The following AGBL3 variants were observed in gnomAD, a reference collection of about 807,000 sequenced individuals.
AGBL3 encodes the protein cytosolic carboxypeptidase 3.
In AGBL3, 68 loss-of-function variants were observed where a neutral mutation model predicts 94.5. The ratio of observed to expected loss-of-function variants is 0.72; its 90% CI spans 0.59 to 0.88. AGBL3 has a LOEUF of 0.88. Ranked by LOEUF, AGBL3 falls within the 40% of genes least tolerant of loss-of-function variation. The probability of loss-of-function intolerance (pLI) is 0.00; values close to 1 mark genes in which losing one functional copy is unlikely to be tolerated. For synonymous variants in AGBL3, 354 were observed against 370.7 expected, an observed-to-expected ratio of 0.95 and a Z score of 0.52; for missense variants, 934 against 1,103.8, an observed-to-expected ratio of 0.85 and a Z score of 2.18.
At chr7:135,065,288 C>G (rs972878984) in intron 12 of AGBL3, among the ~76,000 whole-genome samples, 4 of 152,156 alleles carry the variant, frequency 2.6e-5, no homozygotes, top group African/African-American at 9.7e-5. Context: ...CAATGCAATA[C>G]CTATTTCAAT....
chr7:135,107,813 T>C (rs779601247), intron 15 of AGBL3, among the ~76,000 whole-genome samples: 3 of 152,162 alleles, frequency 2.0e-5, no homozygotes. Flanking sequence ...TAGTGGAGTA[T>C]TGAAGTCTCC....
At chr7:135,034,088 T>A (rs1256176551) in intron 6 of AGBL3, 61 bp from the exon 7 acceptor site, 4 of 1,311,810 alleles carry the variant, frequency 3.0e-6, no homozygotes, top group Admixed American at 7.1e-5. Flanking sequence ...ACATTGGTTT[T>A]TTACAAAATG....
chr7:135,080,424 AAAC>A (rs1420061076), intron 14 of AGBL3, among the ~76,000 whole-genome samples, 164 bp downstream of exon 14: 2 of 152,216 alleles, frequency 1.3e-5, no homozygotes, highest in African/African-American at 4.8e-5. Flanking sequence ...ATCAGGAAAG[AAAC>A]AACAACAATC....
intron 3 of AGBL3, among the ~76,000 whole-genome samples, chr7:134,991,763 C>T (rs1293025058): frequency 6.6e-6 from 1 of 151,950 alleles, no homozygotes; most frequent in Non-Finnish European, 1.5e-5. Context: ...AGGCTACTCT[C>T]AAGCATTTTG....
chr7:135,063,289 T>TA (rs1314592431), intron 12 of AGBL3, among the ~76,000 whole-genome samples: 4 of 152,034 alleles, frequency 2.6e-5, no homozygotes, highest in African/African-American at 9.7e-5. Flanking sequence ...TTTCTTTTTT[T>TA]AAAAACAAAA....
chr7:135,101,786 T>C (rs1823867968), intron 15 of AGBL3, among the ~76,000 whole-genome samples: 2 of 152,316 alleles, frequency 1.3e-5, no homozygotes, highest in South Asian at 4.1e-4. Flanking sequence ...ATGGTTGATA[T>C]GGTTTGCCTG....
chr7:135,105,342 T>A (rs1824527119), intron 15 of AGBL3, among the ~76,000 whole-genome samples: 1 of 152,210 alleles, frequency 6.6e-6, no homozygotes, highest in African/African-American at 2.4e-5. Flanking sequence ...AGTGCTGGGA[T>A]TACAGGCATA....
intron 16 of AGBL3, among the ~76,000 whole-genome samples, chr7:135,123,917 C>T (rs2117266978): frequency 6.6e-6 from 1 of 152,200 alleles, no homozygotes; most frequent in Non-Finnish European, 1.5e-5. Flanking sequence ...AAACAAAAAC[C>T]AGTACCAGCC....
chr7:135,079,559 G>A lies in AGBL3; in HGVS notation c.1981-644G>A, dbSNP rs530716131. 3.9e-5 allele frequency among the ~76,000 whole-genome samples: 6 copies of A among 151,922 alleles called. No homozygotes were observed. In the East Asian group the frequency reaches 1.2e-3, roughly 30 times the overall value. On this transcript the variant is annotated intron_variant, in intron 13 of 16. Coordinates refer to ENST00000436302, the MANE Select transcript of AGBL3 (RefSeq NM_178563.4). ...CAGCTCACTGCAACCTCTGCCTCCC[G>A]GGTTTAAGCAATTCTCCTGCCTCAG...
chr7:135,107,388 T>C (rs374719724), intron 15 of AGBL3, among the ~76,000 whole-genome samples: 34 of 152,336 alleles, frequency 2.2e-4, no homozygotes, highest in African/African-American at 7.5e-4. Context: ...GCCTTAGCTA[T>C]GTCCCAGAGA....
chr7:135,066,768 T>C (rs892635793), intron 12 of AGBL3, among the ~76,000 whole-genome samples: 1 of 152,270 alleles, frequency 6.6e-6, no homozygotes, highest in South Asian at 2.1e-4. Flanking sequence ...AGAGCCAAGA[T>C]GGCCGAACAG....
At chr7:135,091,039 T>A (rs6949063) in intron 15 of AGBL3, among the ~76,000 whole-genome samples, 1 of 151,886 alleles carries the variant, frequency 6.6e-6, no homozygotes, top group African/African-American at 2.4e-5. Context: ...TGCAGGGACC[T>A]CAGTGGTGAA....
rs772562346 is a variant in AGBL3 at position 135,032,981 on chromosome 7, G to A, written c.556G>A (p.Val186Met). 2.2e-5 allele frequency: 34 copies of A among 1,544,222 alleles called. No individual in the cohort carries two copies. The highest frequency in any genetic ancestry group is 3.0e-5 in the Non-Finnish European group (34 of 1,144,086). Residue 186 changes from valine to methionine, a missense_variant and splice_region_variant, in exon 6 of 17, where the codon GTG becomes ATG. Physicochemically the swap from Val to Met is conservative, Grantham distance 21 (BLOSUM62 1). Transcript: ENST00000436302. ...TGGTAATCTACAGAAGGTAGTCAAA[G>A]TGTAGGTTCTAATTATTTTTATTTA... Reference protein sequence around the residue: ...ESGNLQKVVKVAEYEYQLTVR... With the variant: ...ESGNLQKVVKMAEYEYQLTVR...
chr7:135,076,975 A>G (rs959518699), intron 13 of AGBL3, among the ~76,000 whole-genome samples: 6 of 152,200 alleles, frequency 3.9e-5, no homozygotes, highest in Non-Finnish European at 7.3e-5. Context: ...TATTCAAGAA[A>G]GTCTACTAAA....
chr7:135,064,028 A>G (rs1216989547), intron 12 of AGBL3, among the ~76,000 whole-genome samples: 1 of 152,218 alleles, frequency 6.6e-6, no homozygotes, highest in Non-Finnish European at 1.5e-5. Context: ...GCCAATCACA[A>G]GAGTTCAAGA....
chr7:135,034,788 G>A lies in AGBL3; in HGVS notation c.1197G>A (p.Val399=). The A allele has an allele frequency of 6.4e-7, 1 of 1,552,266 alleles. No homozygotes were observed. Among genetic ancestry groups the A allele is most frequent in the Non-Finnish European group, 8.7e-7 (1 of 1,147,330 alleles). Reference sequence around the variant, plus strand: ...TTCGGGACACTTTTGTCTTCAAGGTGGTACCCATGCTCAATCCAGATGGTG... The same window carrying A: ...TTCGGGACACTTTTGTCTTCAAGGTAGTACCCATGCTCAATCCAGATGGTG... The part of the protein sequence containing the change: ...QLLRDTFVFK[V]VPMLNPDGVI... The change falls in exon 7 of 17, where the codon GTG becomes GTA. Residue 399 remains valine, a synonymous_variant. Coordinates refer to ENST00000436302, the MANE Select transcript of AGBL3 (RefSeq NM_178563.4).
chr7:135,094,645 G>A (rs1822378495), intron 15 of AGBL3: 1 of 411,410 alleles, frequency 2.4e-6, no homozygotes, highest in Admixed American at 2.8e-5. Context: ...CCGTAACAAG[G>A]GCCTACTCTC....
At chr7:135,017,185 T>G (rs1477455660) in intron 5 of AGBL3, 26 bp downstream of exon 5, 2 of 1,444,080 alleles carry the variant, frequency 1.4e-6, no homozygotes, top group Admixed American at 3.9e-5. Flanking sequence ...CACATGTTGC[T>G]GTAAAATATA....
At chr7:135,038,625 T>C (rs552330426) in intron 8 of AGBL3, among the ~76,000 whole-genome samples, 1 of 152,310 alleles carries the variant, frequency 6.6e-6, no homozygotes, top group East Asian at 1.9e-4. Flanking sequence ...GCTTAAAACA[T>C]AGAGGCTCCT....
Sources: gnomAD v4.1 joint callset for allele counts (sites outside exome capture counted in the v4.1 genomes callset) on GRCh38, gnomAD v4.1.1 for gene constraint, MANE v1.5 for transcripts, NCBI Gene and HGNC (gene_info 2026-07-23, HGNC 2026-07-21) for gene names.